The following CMSS1 variants were observed in gnomAD, a reference collection of about 807,000 sequenced individuals.
CMSS1 encodes the protein cms1 ribosomal small subunit homolog, also known as protein CMSS1.
In CMSS1, 33 loss-of-function variants were observed where a neutral mutation model predicts 43.5. The ratio of observed to expected loss-of-function variants is 0.76; its 90% confidence interval spans 0.57 to 1.01. The LOEUF is 1.01. Ranked by LOEUF, CMSS1 falls within the 50% of genes least tolerant of loss-of-function variation. The pLI is 0.00. For missense variants in CMSS1, 313 were observed against 326.4 expected (o/e 0.96, Z 0.32); for synonymous variants, 115 against 117.2 (o/e 0.98, Z 0.12).
At chr3:100,087,020 G>A (rs894080273) in intron 1 of CMSS1, among the ~76,000 whole-genome samples, 4 of 152,184 alleles carry the variant, frequency 2.6e-5, no homozygotes, top group Non-Finnish European at 4.4e-5. Context: ...AAATTGTCAT[G>A]TGTACCAACA....
At chr3:100,035,827 T>C (rs573503153) in intron 1 of CMSS1, among the ~76,000 whole-genome samples, 1 of 152,338 alleles carries the variant, frequency 6.6e-6, no homozygotes, top group African/African-American at 2.4e-5. Context: ...CCAACTTTGT[T>C]ACATCTTTAT....
At chr3:100,054,490 T>TTGTTATGTTATGTTATGTTATGTTA (rs10668094) in intron 1 of CMSS1, among the ~76,000 whole-genome samples, 4 of 146,086 alleles carry the variant, frequency 2.7e-5, no homozygotes, top group East Asian at 2.0e-4. Flanking sequence ...ATGTTATGTT[T>TTGTTATGTTATGTTATGTTATGTTA]TGTTATGTTA....
chr3:99,843,443 G>A (rs1276347186), intron 1 of CMSS1, among the ~76,000 whole-genome samples: 1 of 152,158 alleles, frequency 6.6e-6, no homozygotes, highest in Non-Finnish European at 1.5e-5. Context: ...CTAGAGGGTA[G>A]AATAGCCACA....
chr3:100,034,312 G>A (rs1225276258), intron 1 of CMSS1, among the ~76,000 whole-genome samples: 2 of 152,146 alleles, frequency 1.3e-5, no homozygotes, highest in African/African-American at 4.8e-5. Context: ...TGGAGAAAAT[G>A]TACACTCATG....
At chr3:99,965,852 G>A (rs930350768) in intron 1 of CMSS1, among the ~76,000 whole-genome samples, 3 of 152,068 alleles carry the variant, frequency 2.0e-5, no homozygotes, top group Non-Finnish European at 4.4e-5. Flanking sequence ...TGCCCAGCCC[G>A]CAGCCACTGG....
At chr3:100,060,155 A>G (rs542023280) in intron 1 of CMSS1, among the ~76,000 whole-genome samples, 1 of 152,202 alleles carries the variant, frequency 6.6e-6, no homozygotes, top group East Asian at 1.9e-4. Context: ...TGGGTGGGCT[A>G]CGGTGCCAGA....
chr3:100,046,854 A>C (rs1017442194), intron 1 of CMSS1, among the ~76,000 whole-genome samples: 1 of 152,214 alleles, frequency 6.6e-6, no homozygotes, highest in Non-Finnish European at 1.5e-5. Context: ...GTGAGTGGCC[A>C]AGTAACCCAG....
chr3:99,956,444 C>T (rs1340889653), intron 1 of CMSS1, among the ~76,000 whole-genome samples: 4 of 152,170 alleles, frequency 2.6e-5, no homozygotes, highest in Non-Finnish European at 5.9e-5. Flanking sequence ...ACTACGCCTC[C>T]TAGGTTCAAG....
At chr3:100,008,272 CAGCAAT>C (rs1710044851) in intron 1 of CMSS1, among the ~76,000 whole-genome samples, 1 of 152,114 alleles carries the variant, frequency 6.6e-6, no homozygotes, top group African/African-American at 2.4e-5. Flanking sequence ...GATTCCCTGC[CAGCAAT>C]AGCATAGACT....
chr3:99,931,348 C>G (rs1707476912), intron 1 of CMSS1, among the ~76,000 whole-genome samples: 1 of 152,190 alleles, frequency 6.6e-6, no homozygotes, highest in Non-Finnish European at 1.5e-5. Context: ...GACCTCCAAC[C>G]ATGACCCTAA....
rs6805703 is a variant in CMSS1 at position 99,853,200 on chromosome 3, A to G, written c.64+35157A>G. On this transcript the variant is annotated intron_variant, in intron 1 of 9. Transcript: ENST00000421999. ...ACTGCTTTGGTGGTGAAATAGTTAA[A>G]AAAAACTTTGGCAAAGTGCTTCTTT... 4.5e-3 allele frequency among the ~76,000 whole-genome samples: 683 copies of G among 152,316 alleles called. 7 individuals carry two copies. Among genetic ancestry groups the G allele is most frequent in the African/African-American group, 0.016 (669 of 41,562 alleles).
chr3:100,164,994 A>G (rs1480856297), intron 4 of CMSS1, among the ~76,000 whole-genome samples: 2 of 152,190 alleles, frequency 1.3e-5, no homozygotes, highest in East Asian at 3.8e-4. Flanking sequence ...GTCTCCTGAG[A>G]GCTGCAGTGT....
intron 1 of CMSS1, chr3:99,898,421 T>A (rs1035127599): frequency 6.6e-6 from 1 of 152,340 alleles, no homozygotes; most frequent in East Asian, 1.9e-4. Context: ...TTATGTTTTG[T>A]GGTGACAAAT....
At chr3:99,914,521 T>C (rs917972542) in intron 1 of CMSS1, among the ~76,000 whole-genome samples, 4 of 152,232 alleles carry the variant, frequency 2.6e-5, no homozygotes, top group Admixed American at 1.3e-4. Context: ...CACTTTATAC[T>C]CTTTACAACA....
intron 3 of CMSS1, 23 bp from the exon 4 acceptor site, chr3:100,162,280 T>G (rs749900345): frequency 2.0e-5 from 32 of 1,601,804 alleles, no homozygotes; most frequent in Non-Finnish European, 2.7e-5. Context: ...GTCGTCCCAT[T>G]TTTCTTCTTT....
In CMSS1 at chr3:99,876,363, CT is replaced by C. The variant is rs1257359439; in HGVS notation, c.64+58321del. Among the ~76,000 whole-genome samples the C allele has an allele frequency of 5.9e-5, 9 of 152,044 alleles. No individual in the cohort carries two copies. The South Asian group carries it at 1.0e-3, about 18-fold the overall frequency. On this transcript the variant is annotated intron_variant, in intron 1 of 9. Coordinates refer to ENST00000421999, the MANE Select transcript of CMSS1 (RefSeq NM_032359.4). ...CGTGTGAACGGACCGTGGTTCCCGG[CT>C]CCCAGCGGAGGGAATGAGTGGTGGG... is the stretch of plus-strand genomic sequence containing the variant.
intron 1 of CMSS1, chr3:99,848,601 G>A: frequency 1.2e-6 from 2 of 1,614,186 alleles, no homozygotes; most frequent in Non-Finnish European, 1.7e-6. Context: ...GCTTGGCACT[G>A]ATTTCTGTTG....
At chr3:99,977,916 A>G (rs1448489788) in intron 1 of CMSS1, among the ~76,000 whole-genome samples, 1 of 152,162 alleles carries the variant, frequency 6.6e-6, no homozygotes, top group African/African-American at 2.4e-5. Flanking sequence ...CATTAACCTA[A>G]AAGAAAAAAT....
In CMSS1 at chr3:100,062,090, CTTCTTTTTTTTTTTTTTTTTTTTTTTT is replaced by C. The variant is rs1364212978; in HGVS notation, c.65-84880_65-84854del. ...TATCCACTTGTGGTTATCCTGTCTT[CTTCTTTTTTTTTTTTTTTTTTTTTTTT>C]TTTTTTTTTTTTGAGACGGAGTGTT... On this transcript the variant is annotated intron_variant, in intron 1 of 9. Coordinates refer to ENST00000421999, the MANE Select transcript of CMSS1 (RefSeq NM_032359.4). Among the ~76,000 whole-genome samples the C allele has an allele frequency of 7.4e-5, 5 of 67,880 alleles. No homozygotes were observed. In the Admixed American group the frequency reaches 8.5e-4, roughly 12 times the overall value. 44.5% of individuals were successfully genotyped at this position (67,880 alleles called of 152,430 possible).
Sources: allele counts gnomAD v4.1 joint callset (sites outside exome capture counted in the v4.1 genomes callset), GRCh38; gene constraint gnomAD v4.1.1; transcripts MANE v1.5; gene names NCBI Gene and HGNC (gene_info 2026-07-23, HGNC 2026-07-21).